The following LAMA2 variants were observed in gnomAD, a reference collection of about 807,000 sequenced individuals.
LAMA2 encodes the protein laminin subunit alpha-2.
A neutral mutation model predicts 364.8 loss-of-function variants in LAMA2; 269 were observed. The observed-to-expected ratio is 0.74, with a 90% CI of 0.67 to 0.82. The LOEUF (loss-of-function observed/expected upper bound fraction) is 0.82, where lower values mean the gene tolerates loss of function less well. Among genes scored for constraint, LAMA2 ranks in the 40% least tolerant of loss-of-function variants. The pLI is 0.00. For synonymous variants in LAMA2, 1,379 were observed against 1,370.6 expected (o/e 1.01, Z -0.14); for missense variants, 3,807 against 3,873.2 (o/e 0.98, Z 0.45).
intron 53 of LAMA2, among the ~76,000 whole-genome samples, chr6:129,475,771 G>A (rs1422827887): frequency 2.0e-5 from 3 of 152,042 alleles, no homozygotes; most frequent in African/African-American, 7.2e-5. Context: ...GTGGTCTCTT[G>A]AGTTGAACCC....
intron 3 of LAMA2, among the ~76,000 whole-genome samples, chr6:129,084,175 A>G (rs1242839693): frequency 6.6e-6 from 1 of 152,190 alleles, no homozygotes; most frequent in Non-Finnish European, 1.5e-5. Flanking sequence ...TGAAAAACAA[A>G]GGTGAGAGTA....
At chr6:129,433,792 A>G (rs375476169) in intron 41 of LAMA2, among the ~76,000 whole-genome samples, 7 of 152,188 alleles carry the variant, frequency 4.6e-5, no homozygotes, top group Non-Finnish European at 7.3e-5. Flanking sequence ...AAAGTCATAA[A>G]TAGCATTATT....
chr6:129,209,603 C>A (rs1490863511), intron 12 of LAMA2, among the ~76,000 whole-genome samples: 1 of 152,134 alleles, frequency 6.6e-6, no homozygotes, highest in Non-Finnish European at 1.5e-5. Flanking sequence ...AGGGGTTCAG[C>A]AAAACTGTTA....
At chr6:129,201,710 T>G (rs943916581) in intron 12 of LAMA2, among the ~76,000 whole-genome samples, 4 of 152,062 alleles carry the variant, frequency 2.6e-5, no homozygotes, top group Non-Finnish European at 5.9e-5. Flanking sequence ...AATGTAAAAT[T>G]CATGATGTTT....
At chr6:129,256,734 T>C in intron 14 of LAMA2, among the ~76,000 whole-genome samples, 1 of 141,896 alleles carries the variant, frequency 7.0e-6, no homozygotes, top group East Asian at 2.0e-4. Flanking sequence ...AATATCTTGC[T>C]ATATATATAT....
At chr6:129,015,776 GT>G (rs1562921433) in intron 1 of LAMA2, among the ~76,000 whole-genome samples, 1 of 151,826 alleles carries the variant, frequency 6.6e-6, no homozygotes, top group Admixed American at 6.6e-5. Context: ...TGCATCTTAG[GT>G]TTGCTTAGTT....
intron 8 of LAMA2, among the ~76,000 whole-genome samples, chr6:129,163,162 T>G (rs1180667233): frequency 6.6e-6 from 1 of 152,172 alleles, no homozygotes; most frequent in Non-Finnish European, 1.5e-5. Flanking sequence ...TTGACCAGTG[T>G]TTTTCCTTCT....
intron 1 of LAMA2, among the ~76,000 whole-genome samples, chr6:128,967,837 T>C (rs1781939233): frequency 6.7e-6 from 1 of 150,276 alleles, no homozygotes; most frequent in African/African-American, 2.5e-5. Context: ...CTATTACACC[T>C]CAGATTATTA....
At chr6:128,909,152 C>G (rs1263459784) in intron 1 of LAMA2, among the ~76,000 whole-genome samples, 1 of 151,686 alleles carries the variant, frequency 6.6e-6, no homozygotes, top group African/African-American at 2.4e-5. Context: ...TCTATCAGGT[C>G]CGCTTGGTGC....
rs1247661361 is a variant in LAMA2 at position 129,486,680 on chromosome 6, A to G, written c.7898+58A>G. On this transcript the variant is annotated intron_variant, in intron 56 of 64. Coordinates refer to ENST00000421865, the MANE Select transcript of LAMA2 (RefSeq NM_000426.4). ...ACTCAGGTGAACTTCCTTTGCTAGCATCGGTATCTATCAGTATCTGCCTGA... is the reference window on the plus strand; with the variant it reads ...ACTCAGGTGAACTTCCTTTGCTAGCGTCGGTATCTATCAGTATCTGCCTGA... The G allele has an allele frequency of 2.0e-6, 3 of 1,477,758 alleles. No individual in the cohort carries two copies. The African/African-American group carries it at 4.2e-5, about 21-fold the overall frequency. The allele number at this position is 1,477,758 out of a possible 1,614,324, so 91.5% of individuals were successfully genotyped here.
intron 12 of LAMA2, among the ~76,000 whole-genome samples, chr6:129,233,287 T>C (rs1784785197): frequency 6.6e-6 from 1 of 152,172 alleles, no homozygotes. Flanking sequence ...TAATGCAATG[T>C]ACAGTTGACC....
chr6:129,466,074 A>T (rs1783526218), intron 51 of LAMA2, among the ~76,000 whole-genome samples: 1 of 151,966 alleles, frequency 6.6e-6, no homozygotes, highest in African/African-American at 2.4e-5. Flanking sequence ...ATTTCATGAA[A>T]ATTTACGTTT....
intron 37 of LAMA2, among the ~76,000 whole-genome samples, chr6:129,395,189 A>G (rs1313085330): frequency 6.6e-6 from 1 of 152,100 alleles, no homozygotes; most frequent in East Asian, 1.9e-4. Context: ...ATGCCTATAC[A>G]GGTTCGAGGA....
At chr6:129,307,698 AAAG>A (rs1359591514) in intron 22 of LAMA2, among the ~76,000 whole-genome samples, 3 of 152,242 alleles carry the variant, frequency 2.0e-5, no homozygotes, top group African/African-American at 7.2e-5. Flanking sequence ...ACAGCTTAAC[AAAG>A]AAGAATAAAT....
At chr6:128,931,506 A>G (rs1779475649) in intron 1 of LAMA2, among the ~76,000 whole-genome samples, 1 of 152,220 alleles carries the variant, frequency 6.6e-6, no homozygotes, top group African/African-American at 2.4e-5. Context: ...CAACGAGGCA[A>G]ATGTTGCCAA....
intron 64 of LAMA2, 50 bp downstream of exon 64, chr6:129,514,645 G>T: frequency 7.1e-7 from 1 of 1,416,122 alleles, no homozygotes; most frequent in South Asian, 1.2e-5. Flanking sequence ...TTATGTTACT[G>T]GTTTTGAAAA....
At chr6:129,506,700 A>G (rs1379751822) in intron 61 of LAMA2, among the ~76,000 whole-genome samples, 2 of 152,100 alleles carry the variant, frequency 1.3e-5, no homozygotes, top group African/African-American at 4.8e-5. Flanking sequence ...TCTATACTCA[A>G]ATTAGAACAC....
intron 22 of LAMA2, among the ~76,000 whole-genome samples, chr6:129,308,808 A>G (rs538314608): frequency 6.6e-5 from 10 of 152,324 alleles, no homozygotes; most frequent in African/African-American, 2.4e-4. Flanking sequence ...GCTTCCAGTC[A>G]TGATGGAAGG....
intron 6 of LAMA2, among the ~76,000 whole-genome samples, chr6:129,148,527 C>T (rs1778612985): frequency 6.6e-6 from 1 of 152,080 alleles, no homozygotes; most frequent in Non-Finnish European, 1.5e-5. Flanking sequence ...CATGCACAGA[C>T]AGGAGATTTA....
Sources: gnomAD v4.1 joint callset for allele counts (sites outside exome capture counted in the v4.1 genomes callset) on GRCh38, gnomAD v4.1.1 for gene constraint, MANE v1.5 for transcripts, NCBI Gene and HGNC (gene_info 2026-07-23, HGNC 2026-07-21) for gene names.